Variants in MALRD1 observed in about 807,000 individuals in gnomAD.
The protein encoded by MALRD1 is MAM and LDL-receptor class A domain-containing protein 1.
Under a neutral mutation model 242.1 loss-of-function variants are expected in MALRD1, and 247 were observed. That is an observed-to-expected ratio of 1.02 (90% confidence interval 0.92 to 1.13). The LOEUF (loss-of-function observed/expected upper bound fraction) is 1.13, where lower values mean the gene tolerates loss of function less well. Ranked by LOEUF, MALRD1 falls within the 50% of genes most tolerant of loss-of-function variation. The pLI is 0.00. For synonymous variants in MALRD1, 995 were observed against 866.6 expected (o/e 1.15, Z -2.60); for missense variants, 2,989 against 2,533.1 (o/e 1.18, Z -3.86).
intron 21 of MALRD1, among the ~76,000 whole-genome samples, chr10:19,296,827 G>T (rs577516800): frequency 1.3e-5 from 2 of 151,622 alleles, no homozygotes; most frequent in South Asian, 2.1e-4. Context: ...AAAGACATTT[G>T]TGAGAAATTA....
chr10:19,362,316 G>A (rs993699358), intron 26 of MALRD1, among the ~76,000 whole-genome samples: 1 of 152,004 alleles, frequency 6.6e-6, no homozygotes, highest in Non-Finnish European at 1.5e-5. Flanking sequence ...CCTGGTAACT[G>A]TAGATAATAT....
In MALRD1 at chr10:19,331,561, G is replaced by A. The variant is rs1843373419; in HGVS notation, c.3880G>A (p.Asp1294Asn). The A allele has an allele frequency of 4.5e-6, 7 of 1,550,140 alleles. No homozygotes were observed. Among genetic ancestry groups the A allele is most frequent in the Non-Finnish European group, 6.1e-6 (7 of 1,146,724 alleles). Reference sequence around the variant, plus strand: ...TGTGAATGATTGTGCTGATAATTCAGATGAGACTACTTTCATTTGCCGTAA... The same window carrying A: ...TGTGAATGATTGTGCTGATAATTCAAATGAGACTACTTTCATTTGCCGTAA... ...DFVNDCADNSDETTFICRTSS... is the reference protein window; with the variant it reads ...DFVNDCADNSNETTFICRTSS... Residue 1294 changes from aspartate to asparagine, a missense_variant, in exon 24 of 40, where the codon GAT becomes AAT. By Grantham distance (23) the Asp-to-Asn change is conservative. Transcript: ENST00000454679.
intron 36 of MALRD1, among the ~76,000 whole-genome samples, chr10:19,679,288 T>C (rs1842267060): frequency 6.6e-6 from 1 of 152,150 alleles, no homozygotes; most frequent in Non-Finnish European, 1.5e-5. Context: ...CAACTGGTCG[T>C]GGGCTTTTAT....
At chr10:19,100,659 G>A (rs1836217386) in intron 4 of MALRD1, among the ~76,000 whole-genome samples, 1 of 152,152 alleles carries the variant, frequency 6.6e-6, no homozygotes, top group African/African-American at 2.4e-5. Context: ...AAAGTGTTTT[G>A]AATTATAAAT....
chr10:19,233,283 C>T (rs1353403616), intron 18 of MALRD1, among the ~76,000 whole-genome samples: 1 of 152,130 alleles, frequency 6.6e-6, no homozygotes, highest in Non-Finnish European at 1.5e-5. Context: ...GGGCGGATCG[C>T]CTGAGGTCAG....
chr10:19,635,805 T>C (rs973651317), intron 36 of MALRD1, among the ~76,000 whole-genome samples: 1 of 152,106 alleles, frequency 6.6e-6, no homozygotes. Flanking sequence ...AAACATACAC[T>C]GAAATAAACT....
rs35862073 is a variant in MALRD1, at chr10:19,692,797, G to GTA, written c.6314+257_6314+258dup. 5.0e-5 allele frequency among the ~76,000 whole-genome samples: 7 copies of GTA among 139,462 alleles called. No homozygotes were observed. In the South Asian group the frequency reaches 1.1e-3, roughly 22 times the overall value. 91.5% of individuals were successfully genotyped at this position (139,462 alleles called of 152,430 possible). A position where few individuals can be genotyped will look rare whatever the true frequency, so the allele number is the denominator to read the frequency against. ...TTATATTAGGAGCCTTTTTGAGGGCGTATATATATATATATGAAATTTATA... is the reference window on the plus strand; with the variant it reads ...TTATATTAGGAGCCTTTTTGAGGGCGTATATATATATATATATGAAATTTATA... On this transcript the variant is annotated intron_variant, in intron 38 of 39. Coordinates refer to ENST00000454679, the MANE Select transcript of MALRD1 (RefSeq NM_001142308.3).
chr10:19,334,306 A>C (rs1843514361), intron 24 of MALRD1, among the ~76,000 whole-genome samples: 1 of 151,642 alleles, frequency 6.6e-6, no homozygotes, highest in South Asian at 2.1e-4. Context: ...TCTTGCCTTT[A>C]AGTCTTTAAT....
At chr10:19,733,679 CT>C (rs1404622714) in intron 39 of MALRD1, among the ~76,000 whole-genome samples, 1 of 148,394 alleles carries the variant, frequency 6.7e-6, no homozygotes, top group East Asian at 2.0e-4. Flanking sequence ...AACCAGATTG[CT>C]TGTCCTATAG....
chr10:19,453,078 C>A (rs1200064977), intron 29 of MALRD1, among the ~76,000 whole-genome samples: 1 of 152,140 alleles, frequency 6.6e-6, no homozygotes, highest in Non-Finnish European at 1.5e-5. Flanking sequence ...TTACAGTGGT[C>A]ATCATTATTA....
chr10:19,227,748 C>G (rs1248713234), intron 18 of MALRD1, among the ~76,000 whole-genome samples: 1 of 151,936 alleles, frequency 6.6e-6, no homozygotes, highest in African/African-American at 2.4e-5. Context: ...AACTAAAAAA[C>G]TAAATAACAA....
intron 11 of MALRD1, among the ~76,000 whole-genome samples, chr10:19,151,523 C>A (rs2131456375): frequency 6.6e-6 from 1 of 151,900 alleles, no homozygotes; most frequent in Non-Finnish European, 1.5e-5. Context: ...TTCTATCTTC[C>A]TTTTGTTGTT....
chr10:19,139,813 C>G (rs554090408), intron 10 of MALRD1, among the ~76,000 whole-genome samples: 90 of 152,256 alleles, frequency 5.9e-4, no homozygotes, highest in African/African-American at 1.7e-3. Flanking sequence ...CCTGGCCCAG[C>G]CTTACAGAAC....
chr10:19,234,462 T>C (rs1211502979), intron 18 of MALRD1, among the ~76,000 whole-genome samples: 1 of 152,116 alleles, frequency 6.6e-6, no homozygotes, highest in African/African-American at 2.4e-5. Context: ...TCTACTCTAA[T>C]AGAGATAGTC....
At chr10:19,307,390 G>A (rs569673925) in intron 21 of MALRD1, among the ~76,000 whole-genome samples, 76 of 151,656 alleles carry the variant, frequency 5.0e-4, no homozygotes, top group Non-Finnish European at 8.7e-4. Context: ...CTGTCAGGAG[G>A]CAGTCTCTCC....
chr10:19,599,364 T>G (rs1279863614), intron 34 of MALRD1, among the ~76,000 whole-genome samples: 1 of 152,148 alleles, frequency 6.6e-6, no homozygotes. Context: ...TTGAATATTG[T>G]CTTTCCACTG....
intron 38 of MALRD1, among the ~76,000 whole-genome samples, chr10:19,693,988 T>G (rs1397692662): frequency 5.9e-5 from 9 of 152,230 alleles, no homozygotes; most frequent in Admixed American, 2.0e-4. Context: ...GGATTCCCTA[T>G]TTAATAAATG....
chr10:19,695,593 C>G (rs954120771), intron 38 of MALRD1, among the ~76,000 whole-genome samples: 2 of 150,518 alleles, frequency 1.3e-5, no homozygotes, highest in African/African-American at 4.9e-5. Flanking sequence ...AATCTCAGCT[C>G]ACTGCCACCT....
intron 28 of MALRD1, among the ~76,000 whole-genome samples, chr10:19,431,742 AC>A (rs1834135906): frequency 1.3e-5 from 2 of 151,738 alleles, no homozygotes; most frequent in Admixed American, 1.3e-4. Flanking sequence ...ATTATTCCCC[AC>A]CCCTCAGGGA....
Sources: gnomAD v4.1 joint callset for allele counts (sites outside exome capture counted in the v4.1 genomes callset) on GRCh38, gnomAD v4.1.1 for gene constraint, MANE v1.5 for transcripts, NCBI Gene and HGNC (gene_info 2026-07-23, HGNC 2026-07-21) for gene names.